The following NRDC variants were observed in gnomAD, a reference collection of about 807,000 sequenced individuals.
NRDC encodes nardilysin.
Under a neutral mutation model 147.1 loss-of-function variants are expected in NRDC, and 54 were observed. The observed-to-expected ratio is 0.37, with a 90% CI of 0.29 to 0.46. The LOEUF (loss-of-function observed/expected upper bound fraction) is 0.46, where lower values mean the gene tolerates loss of function less well. NRDC is among the 20% of genes least tolerant of loss of function. The probability of loss-of-function intolerance (pLI) is 1.00; values close to 1 mark genes in which losing one functional copy is unlikely to be tolerated. For missense variants in NRDC, 1,082 were observed against 1,370.6 expected, an observed-to-expected ratio of 0.79 and a Z score of 3.33; for synonymous variants, 440 against 482.1, an observed-to-expected ratio of 0.91 and a Z score of 1.14.
rs79119829 is a variant in NRDC, at chr1:51,789,965, C to T, written c.3169-308G>A. ...TCACCTCCCAATTACATGGTAGCTG[C>T]ATACCACGGCTTGAGGAAATCTACC... On this transcript the variant is annotated intron_variant, in intron 29 of 30. Transcript: ENST00000352171. The T allele has an allele frequency of 6.2e-3, 2,327 of 376,160 alleles. 48 individuals carry two copies. The highest frequency in any genetic ancestry group is 0.045 in the African/African-American group (2,176 of 48,852). The allele number at this position is 376,160 out of a possible 1,614,324, so 23.3% of individuals were successfully genotyped here. A position where few individuals can be genotyped will look rare whatever the true frequency, so the allele number is the denominator to read the frequency against.
At chr1:51,797,300 C>T (rs1404798948) in intron 22 of NRDC, among the ~76,000 whole-genome samples, 3 of 152,128 alleles carry the variant, frequency 2.0e-5, no homozygotes, top group East Asian at 3.9e-4. Flanking sequence ...AACCAAAATT[C>T]TGTACCCATA....
intron 20 of NRDC, among the ~76,000 whole-genome samples, chr1:51,802,799 G>C (rs1055477732): frequency 1.3e-5 from 2 of 151,998 alleles, no homozygotes; most frequent in Admixed American, 6.6e-5. Flanking sequence ...CTTTCTGGCA[G>C]GTCCTTTCCT....
chr1:51,833,733 T>C (rs1680821399), intron 4 of NRDC, among the ~76,000 whole-genome samples: 1 of 152,102 alleles, frequency 6.6e-6, no homozygotes, highest in African/African-American at 2.4e-5. Context: ...CTCAGCCTCC[T>C]GAGTGCCAAG....
intron 9 of NRDC, among the ~76,000 whole-genome samples, chr1:51,818,994 A>G (rs1402386357): frequency 1.4e-4 from 21 of 152,226 alleles, no homozygotes; most frequent in African/African-American, 2.4e-5. Context: ...AAATATACCT[A>G]TTAGAAAATC....
intron 6 of NRDC, 145 bp downstream of exon 6, chr1:51,825,142 C>T (rs1383165185): frequency 8.2e-6 from 5 of 608,422 alleles, no homozygotes; most frequent in Admixed American, 3.4e-5. Flanking sequence ...TTAACAACTT[C>T]GCGTTTGAAA....
At chr1:51,854,351 G>C (rs1249192956) in intron 1 of NRDC, among the ~76,000 whole-genome samples, 1 of 152,148 alleles carries the variant, frequency 6.6e-6, no homozygotes, top group Non-Finnish European at 1.5e-5. Context: ...CTGGGCGACA[G>C]AGCAAGATGC....
chr1:51,847,065 A>G (rs1274845980), intron 1 of NRDC, among the ~76,000 whole-genome samples: 3 of 152,068 alleles, frequency 2.0e-5, no homozygotes, highest in Non-Finnish European at 2.9e-5. Context: ...TTAGCTAGAC[A>G]TAAAGGTTCT....
intron 17 of NRDC, among the ~76,000 whole-genome samples, chr1:51,808,654 T>G (rs1284864255): frequency 3.3e-5 from 5 of 152,182 alleles, no homozygotes; most frequent in African/African-American, 1.2e-4. Flanking sequence ...CTTAGACATG[T>G]AATGAATGGC....
chr1:51,852,188 G>A (rs1267933390), intron 1 of NRDC, among the ~76,000 whole-genome samples: 1 of 152,078 alleles, frequency 6.6e-6, no homozygotes, highest in Non-Finnish European at 1.5e-5. Context: ...TCTGAATCTT[G>A]TGAAAACTGC....
chr1:51,846,752 G>C (rs747609264), intron 1 of NRDC, among the ~76,000 whole-genome samples: 2 of 152,214 alleles, frequency 1.3e-5, no homozygotes, highest in Non-Finnish European at 2.9e-5. Flanking sequence ...ATCACCCCAG[G>C]AGCCTGCAGC....
In NRDC at chr1:51,863,229, T is replaced by C. The variant is rs117010278; in HGVS notation, c.341+15046A>G. On this transcript the variant is annotated intron_variant, in intron 1 of 30. Coordinates refer to ENST00000352171, the MANE Select transcript of NRDC (RefSeq NM_001101662.2). ...CCAGCCTAGACAACACAGCAAAACC[T>C]TGTCTCTGCTAAAAATACAAAAATT... is the stretch of plus-strand genomic sequence containing the variant. Among the ~76,000 whole-genome samples, 1,363 of 151,562 alleles carry C rather than the reference T, an allele frequency of 9.0e-3. 34 individuals carry two copies. In the South Asian group the frequency reaches 0.096, roughly 11 times the overall value.
chr1:51,830,101 G>T (rs781621609), intron 4 of NRDC, among the ~76,000 whole-genome samples: 8 of 151,256 alleles, frequency 5.3e-5, no homozygotes, highest in Admixed American at 2.0e-4. Flanking sequence ...AGTAGCTGGG[G>T]CTACAGGCAC....
In NRDC at chr1:51,840,370, A is replaced by C. The variant is rs1171802122; in HGVS notation, c.486T>G (p.Ala162=). The C allele has an allele frequency of 6.5e-7, 1 of 1,543,760 alleles. No individual in the cohort carries two copies. Among genetic ancestry groups the C allele is most frequent in the South Asian group, 1.1e-5 (1 of 89,522 alleles). The part of the protein sequence containing the change: ...EEEDDDEDSG[A]EIEDDDEEGF... ...CCTCTTCATCGTCATCTTCTATTTC[A>C]GCTCCAGAATCTTCATCATCATCTT... is the stretch of plus-strand genomic sequence containing the variant. The change falls in exon 2 of 31, where the codon GCT becomes GCG. Residue 162 remains alanine, a synonymous_variant. Coordinates refer to ENST00000352171, the MANE Select transcript of NRDC (RefSeq NM_001101662.2).
At chr1:51,813,931 G>T (rs1679840111) in intron 14 of NRDC, 104 bp downstream of exon 14, 3 of 776,816 alleles carry the variant, frequency 3.9e-6, no homozygotes, top group Middle Eastern at 2.4e-4. Flanking sequence ...GACACAGAAT[G>T]ACAGAATTAA....
At chr1:51,805,666 T>A in intron 18 of NRDC, 105 bp from the exon 19 acceptor site, 1 of 660,216 alleles carries the variant, frequency 1.5e-6, no homozygotes, top group South Asian at 1.9e-5. Flanking sequence ...TGAAGTAAAC[T>A]ACTAATCCTT....
chr1:51,878,690 C>G lies in NRDC; in HGVS notation c.-75G>C. 7.3e-7 allele frequency: 1 copy of G among 1,368,410 alleles called. No homozygotes were observed. The highest frequency in any genetic ancestry group is 1.3e-5 in the South Asian group (1 of 75,286). The allele number at this position is 1,368,410 out of a possible 1,614,324, so 84.8% of individuals were successfully genotyped here. A position where few individuals can be genotyped will look rare whatever the true frequency, so the allele number is the denominator to read the frequency against. ...CTCCGCGTTCTAGAGGCGGTGGCGG[C>G]CGGCCCTGGTGCTGCCGCAGCCGCG... On this transcript the variant is annotated 5_prime_UTR_variant, in exon 1 of 31. Transcript: ENST00000352171.
intron 1 of NRDC, among the ~76,000 whole-genome samples, chr1:51,843,481 G>A (rs1460794672): frequency 6.6e-6 from 1 of 152,122 alleles, no homozygotes; most frequent in Non-Finnish European, 1.5e-5. Flanking sequence ...ACAAGTTGCT[G>A]CCCCTACAGA....
chr1:51,858,293 A>C (rs1050558600), intron 1 of NRDC, among the ~76,000 whole-genome samples: 3 of 152,176 alleles, frequency 2.0e-5, no homozygotes, highest in African/African-American at 7.2e-5. Context: ...AAGCCTATGC[A>C]ACATAGTGAG....
intron 1 of NRDC, among the ~76,000 whole-genome samples, chr1:51,860,587 C>T (rs1196236194): frequency 6.6e-6 from 1 of 152,202 alleles, no homozygotes; most frequent in African/African-American, 2.4e-5. Context: ...CTTCTATCTA[C>T]TTTTTCATCC....
Sources: allele counts gnomAD v4.1 joint callset (sites outside exome capture counted in the v4.1 genomes callset), GRCh38; gene constraint gnomAD v4.1.1; transcripts MANE v1.5; gene names NCBI Gene and HGNC (gene_info 2026-07-23, HGNC 2026-07-21).